DHRS3: variants seen among roughly 807,000 people sequenced by gnomAD.
DHRS3 encodes the protein dehydrogenase/reductase 3.
In DHRS3, 14 loss-of-function variants were observed where a neutral mutation model predicts 27.2. That is an observed-to-expected ratio of 0.52 (90% CI 0.34 to 0.81). The LOEUF is 0.81. Ranked by LOEUF, DHRS3 falls within the 30% of genes least tolerant of loss-of-function variation. The pLI, the probability that DHRS3 is intolerant of heterozygous loss-of-function variation, is 0.01. For missense variants in DHRS3, 322 were observed against 406.2 expected (o/e 0.79, Z 1.78); for synonymous variants, 165 against 175.9 (o/e 0.94, Z 0.49).
rs1646947216 is a variant in DHRS3 at position 12,616,755 on chromosome 1, C to G, written c.195+399G>C. 6 of 1,017,074 alleles carry G rather than the reference C, an allele frequency of 5.9e-6. No individual in the cohort carries two copies. In the South Asian group the frequency reaches 2.2e-4, roughly 37 times the overall value. The allele number at this position is 1,017,074 out of a possible 1,614,324, so 63.0% of individuals were successfully genotyped here. On this transcript the variant is annotated intron_variant, in intron 1 of 5. Transcript: ENST00000616661. ...AAAATACGAGGCGCCAGCTAGCAGG[C>G]GGCTCCCAGCTCTACCCAGGAGTGC...
intron 4 of DHRS3, among the ~76,000 whole-genome samples, chr1:12,573,342 C>T (rs1336977037): frequency 6.6e-6 from 1 of 152,246 alleles, no homozygotes; most frequent in East Asian, 1.9e-4. Context: ...CCAAAGCGAC[C>T]TCTGATCCTG....
In DHRS3 at chr1:12,617,428, A is replaced by G; in HGVS notation, c.-80T>C. ...GGAATTAAAAAACACCCCGAACAAT[A>G]AATAGTAAACCGAATAAGGAGGAGA... On this transcript the variant is annotated 5_prime_UTR_variant, in exon 1 of 6. Coordinates refer to ENST00000616661, the MANE Select transcript of DHRS3 (RefSeq NM_004753.7). 6 of 1,472,502 alleles carry G rather than the reference A, an allele frequency of 4.1e-6. No individual in the cohort carries two copies. The highest frequency in any genetic ancestry group is 5.5e-6 in the Non-Finnish European group (6 of 1,090,614). The allele number at this position is 1,472,502 out of a possible 1,614,324, so 91.2% of individuals were successfully genotyped here. A position where few individuals can be genotyped will look rare whatever the true frequency, so the allele number is the denominator to read the frequency against.
At chr1:12,615,744 A>G (rs1646940205) in intron 1 of DHRS3, among the ~76,000 whole-genome samples, 1 of 152,174 alleles carries the variant, frequency 6.6e-6, no homozygotes, top group East Asian at 1.9e-4. Flanking sequence ...CCCTTCACAA[A>G]GAGCTTCAGG....
chr1:12,606,807 A>C (rs1646875027), intron 1 of DHRS3, among the ~76,000 whole-genome samples: 1 of 152,082 alleles, frequency 6.6e-6, no homozygotes. Flanking sequence ...TTTCAACAAA[A>C]ATTTTAAACA....
intron 1 of DHRS3, among the ~76,000 whole-genome samples, chr1:12,597,582 C>T (rs1646807349): frequency 6.6e-6 from 1 of 152,230 alleles, no homozygotes; most frequent in Non-Finnish European, 1.5e-5. Flanking sequence ...GTCTATTTCT[C>T]CCATTCTCAA....
intron 4 of DHRS3, among the ~76,000 whole-genome samples, chr1:12,577,159 G>T (rs1015926060): frequency 6.6e-6 from 1 of 152,018 alleles, no homozygotes; most frequent in South Asian, 2.1e-4. Flanking sequence ...AGCACTGTAC[G>T]CTGGATTGCA....
chr1:12,579,455 C>A (rs563100474), intron 2 of DHRS3, 43 bp from the exon 3 acceptor site: 5 of 1,605,632 alleles, frequency 3.1e-6, no homozygotes, highest in Admixed American at 3.4e-5. Context: ...GGCAGCCAGC[C>A]CAGGGCCAAC....
At chr1:12,607,317 C>T (rs113372027) in intron 1 of DHRS3, among the ~76,000 whole-genome samples, 5,792 of 152,250 alleles carry the variant, frequency 0.038, 126 homozygotes, top group African/African-American at 0.065. Flanking sequence ...TGTCCCCACC[C>T]AAATCTCATC....
chr1:12,573,477 C>G (rs757976668), intron 4 of DHRS3, among the ~76,000 whole-genome samples: 2 of 152,238 alleles, frequency 1.3e-5, no homozygotes, highest in East Asian at 1.9e-4. Flanking sequence ...GAGGCCTGGT[C>G]GGTCCTGCTC....
chr1:12,570,635 G>T (rs148667907), intron 5 of DHRS3, among the ~76,000 whole-genome samples: 20 of 152,328 alleles, frequency 1.3e-4, no homozygotes, highest in Admixed American at 7.2e-4. Context: ...AGGGCTTACT[G>T]TGGAGAGCGC....
chr1:12,588,759 G>A (rs1646720289), intron 1 of DHRS3, among the ~76,000 whole-genome samples: 2 of 152,224 alleles, frequency 1.3e-5, no homozygotes, highest in African/African-American at 4.8e-5. Context: ...TTCATTCCTG[G>A]AGTTCAGCTG....
At chr1:12,615,965 G>T (rs1254522884) in intron 1 of DHRS3, among the ~76,000 whole-genome samples, 1 of 152,164 alleles carries the variant, frequency 6.6e-6, no homozygotes, top group Non-Finnish European at 1.5e-5. Flanking sequence ...CGGCCAGCCC[G>T]GCTAGGGAAG....
chr1:12,569,229 T>TCACACA (rs1557509306), intron 5 of DHRS3, among the ~76,000 whole-genome samples: 5 of 140,366 alleles, frequency 3.6e-5, no homozygotes, highest in East Asian at 2.5e-4. Context: ...TCTCTCTCTC[T>TCACACA]CTCACACACA....
chr1:12,599,479 G>C (rs947995209), intron 1 of DHRS3, among the ~76,000 whole-genome samples: 1 of 152,348 alleles, frequency 6.6e-6, no homozygotes, highest in African/African-American at 2.4e-5. Context: ...AGTAATGTGG[G>C]CTGGTCGTGC....
At chr1:12,611,001 G>T (rs1021699824) in intron 1 of DHRS3, among the ~76,000 whole-genome samples, 4 of 152,176 alleles carry the variant, frequency 2.6e-5, no homozygotes, top group African/African-American at 9.7e-5. Context: ...TACAGCGATT[G>T]TGACAACCAG....
chr1:12,614,068 G>C (rs1251328042), intron 1 of DHRS3, among the ~76,000 whole-genome samples: 1 of 152,134 alleles, frequency 6.6e-6, no homozygotes, highest in Non-Finnish European at 1.5e-5. Flanking sequence ...ACTGCTCCCA[G>C]CCAAGGTCCT....
At position 12,612,181 on chromosome 1, in the gene DHRS3, C is replaced by T. The variant is rs539407877; in HGVS notation, c.195+4973G>A. ...GTAGGACAGGTAGCCTACCTGCCTG[C>T]TTTCAGGCTGCACAGAGTGAGGATG... On this transcript the variant is annotated intron_variant, in intron 1 of 5. Coordinates refer to ENST00000616661, the MANE Select transcript of DHRS3 (RefSeq NM_004753.7). Among the ~76,000 whole-genome samples the T allele has an allele frequency of 2.0e-5, 3 of 152,280 alleles. No homozygotes were observed. The East Asian group carries it at 5.8e-4, about 29-fold the overall frequency.
chr1:12,568,755 G>A (rs780843425), intron 5 of DHRS3, among the ~76,000 whole-genome samples: 2 of 152,110 alleles, frequency 1.3e-5, no homozygotes, highest in African/African-American at 4.8e-5. Context: ...GTGAAACCCT[G>A]TCTCTACAAA....
At chr1:12,617,060 C>T (rs1366148568) in intron 1 of DHRS3, 94 bp downstream of exon 1, 5 of 1,416,796 alleles carry the variant, frequency 3.5e-6, no homozygotes, top group Non-Finnish European at 4.7e-6. Flanking sequence ...GCCGGCGACT[C>T]TCAGCTCCCG....
Sources: allele counts gnomAD v4.1 joint callset (sites outside exome capture counted in the v4.1 genomes callset), GRCh38; gene constraint gnomAD v4.1.1; transcripts MANE v1.5; gene names NCBI Gene and HGNC (gene_info 2026-07-23, HGNC 2026-07-21).